Variants in FRMPD2 observed in about 807,000 individuals in gnomAD.
FRMPD2 encodes the protein FERM and PDZ domain containing 2.
Under a neutral mutation model 140.1 loss-of-function variants are expected in FRMPD2, and 96 were observed. That is an observed-to-expected ratio of 0.69 (90% CI 0.58 to 0.81). The LOEUF (loss-of-function observed/expected upper bound fraction) is 0.81. Among genes scored for constraint, FRMPD2 ranks in the 40% least tolerant of loss-of-function variants. The probability of loss-of-function intolerance (pLI) is 0.00; values close to 1 mark genes in which losing one functional copy is unlikely to be tolerated. For synonymous variants in FRMPD2, 449 were observed against 547.6 expected (o/e 0.82, Z 2.52); for missense variants, 1,240 against 1,447.4 (o/e 0.86, Z 2.32).
chr10:48,185,557 AC>A lies in FRMPD2; in HGVS notation c.2354del (p.Gly785ValfsTer43). The A allele has an allele frequency of 6.2e-7, 1 of 1,613,552 alleles. No individual in the cohort carries two copies. The highest frequency in any genetic ancestry group is 8.5e-7 in the Non-Finnish European group (1 of 1,179,596). On this transcript the variant is annotated frameshift_variant, in exon 18 of 29. Transcript: ENST00000374201. LOFTEE classifies it high-confidence loss of function. ...RVTLKRDPHR[G>X]FGFVINEGEY... ...ACCTACAGGGAGCCCTCTTACCAAA[AC>A]CACGATGTGGGTCACGTTTCAGTGT...
At chr10:48,191,187 C>T (rs1184418535) in intron 16 of FRMPD2, among the ~76,000 whole-genome samples, 1 of 152,068 alleles carries the variant, frequency 6.6e-6, no homozygotes, top group Non-Finnish European at 1.5e-5. Context: ...TGCTGGAGAC[C>T]CCACATGAAG....
At chr10:48,238,208 T>C (rs1039657618) in intron 7 of FRMPD2, 85 bp from the exon 8 acceptor site, 2 of 1,422,896 alleles carry the variant, frequency 1.4e-6, no homozygotes, top group African/African-American at 2.9e-5. Flanking sequence ...AGGGGCTCAG[T>C]TGGGCAGGGT....
Position 48,184,781 on chromosome 10 carries a change from G to C in FRMPD2, c.2460C>G (p.Ile820Met). 6.2e-7 allele frequency: 1 copy of C among 1,612,078 alleles called. No homozygotes were observed. Among genetic ancestry groups the C allele is most frequent in the South Asian group, 1.1e-5 (1 of 90,666 alleles). The stretch of plus-strand genomic sequence containing the variant: ...TAATTTAAAAAGATGTACCTGGTTT[G>C]ATCGTTTTTGCTTTTTCTGCTGGTC... The part of the protein sequence containing the change: ...PGGPAEKAKT[I>M]KPGGQILALN... Residue 820 changes from isoleucine to methionine, a missense_variant, in exon 19 of 29, where the codon ATC becomes ATG. By Grantham distance (10) the Ile-to-Met change is conservative (BLOSUM62 1). Around this residue, in one of 6 missense-constraint regions of FRMPD2, gnomAD observed 1,161 missense variants for 1,055.9 expected, o/e 1.10. Coordinates refer to ENST00000374201, the MANE Select transcript of FRMPD2 (RefSeq NM_001018071.4).
chr10:48,214,949 T>G (rs1052411763), intron 12 of FRMPD2, among the ~76,000 whole-genome samples: 1 of 152,186 alleles, frequency 6.6e-6, no homozygotes, highest in Admixed American at 6.5e-5. Flanking sequence ...TGTGGTGAAG[T>G]TCACAACTGT....
intron 1 of FRMPD2, among the ~76,000 whole-genome samples, chr10:48,257,693 C>T (rs1840514849): frequency 6.6e-6 from 1 of 152,142 alleles, no homozygotes; most frequent in African/African-American, 2.4e-5. Flanking sequence ...AGGTTGAATT[C>T]TTAGCTCCTT....
intron 14 of FRMPD2, among the ~76,000 whole-genome samples, chr10:48,204,404 C>T (rs1479997273): frequency 6.6e-6 from 1 of 152,160 alleles, no homozygotes; most frequent in East Asian, 1.9e-4. Context: ...CTGTGCAAAG[C>T]TGCGTGTTTC....
chr10:48,187,170 C>G, intron 17 of FRMPD2, 22 bp downstream of exon 17: 2 of 1,583,526 alleles, frequency 1.3e-6, no homozygotes, highest in Non-Finnish European at 1.7e-6. Context: ...CACCCAAGAC[C>G]TGGTCGTGGC....
intron 27 of FRMPD2, among the ~76,000 whole-genome samples, chr10:48,167,880 C>G (rs1313473680): frequency 2.7e-5 from 4 of 149,278 alleles, no homozygotes; most frequent in Non-Finnish European, 5.9e-5. Context: ...GAAAGACTGA[C>G]CTCTCTGAGG....
chr10:48,214,616 CT>C (rs1378124864), intron 12 of FRMPD2, among the ~76,000 whole-genome samples: 1 of 152,094 alleles, frequency 6.6e-6, no homozygotes, highest in African/African-American at 2.4e-5. Flanking sequence ...TCTATTAAAA[CT>C]TTTTTTAAGT....
intron 3 of FRMPD2, 131 bp from the exon 4 acceptor site, chr10:48,244,980 C>T: frequency 1.5e-6 from 1 of 683,512 alleles, no homozygotes; most frequent in South Asian, 1.8e-5. Flanking sequence ...ATCTGCAACT[C>T]CCTTAACCCT....
chr10:48,180,526 AT>A (rs1838519398), intron 21 of FRMPD2, among the ~76,000 whole-genome samples: 1 of 151,806 alleles, frequency 6.6e-6, no homozygotes, highest in Non-Finnish European at 1.5e-5. Context: ...AACAATTATA[AT>A]TAGTGACTAA....
At chr10:48,193,397 T>C (rs917670272) in intron 15 of FRMPD2, among the ~76,000 whole-genome samples, 12 of 152,248 alleles carry the variant, frequency 7.9e-5, no homozygotes, top group African/African-American at 1.7e-4. Context: ...TCATATTTAA[T>C]ACAAGGTCCT....
intron 16 of FRMPD2, among the ~76,000 whole-genome samples, chr10:48,192,444 G>A (rs1374983734): frequency 6.6e-6 from 1 of 152,002 alleles, no homozygotes; most frequent in African/African-American, 2.4e-5. Flanking sequence ...AAAATTAGCA[G>A]GGTGTGGCAG....
Position 48,210,174 on chromosome 10 carries a change from A to G in FRMPD2, c.1611+1780T>C, listed in dbSNP as rs17010990. ...ACCCTCATCCTAATGAGAGGCTCCCAATGTGCTCTGGGGATGATGACAAAG... is the reference window on the plus strand; with the variant it reads ...ACCCTCATCCTAATGAGAGGCTCCCGATGTGCTCTGGGGATGATGACAAAG... On this transcript the variant is annotated intron_variant, in intron 13 of 28. Coordinates refer to ENST00000374201, the MANE Select transcript of FRMPD2 (RefSeq NM_001018071.4). Among the ~76,000 whole-genome samples, 863 of 152,240 alleles carry G rather than the reference A, an allele frequency of 5.7e-3. 8 individuals carry two copies. Among genetic ancestry groups the G allele is most frequent in the African/African-American group, 0.02 (817 of 41,540 alleles).
intron 1 of FRMPD2, among the ~76,000 whole-genome samples, chr10:48,272,016 C>T (rs1354259235): frequency 6.6e-6 from 1 of 152,206 alleles, no homozygotes; most frequent in African/African-American, 2.4e-5. Flanking sequence ...ACTGGGGTTT[C>T]AGACCAGAAA....
intron 15 of FRMPD2, among the ~76,000 whole-genome samples, chr10:48,193,440 T>C (rs1838884939): frequency 6.6e-6 from 1 of 152,206 alleles, no homozygotes; most frequent in Admixed American, 6.5e-5. Flanking sequence ...ATGTGTTGGG[T>C]TCCCCCCAGC....
chr10:48,207,400 A>T (rs1477191221), intron 13 of FRMPD2, among the ~76,000 whole-genome samples: 2 of 152,182 alleles, frequency 1.3e-5, no homozygotes, highest in East Asian at 3.9e-4. Context: ...GTGACCTTCC[A>T]GATCACCAAT....
intron 15 of FRMPD2, among the ~76,000 whole-genome samples, chr10:48,197,338 C>T (rs1179887754): frequency 6.6e-6 from 1 of 152,100 alleles, no homozygotes; most frequent in African/African-American, 2.4e-5. Flanking sequence ...AAATGTTACA[C>T]GCACACACCT....
At chr10:48,210,966 G>A (rs944140988) in intron 13 of FRMPD2, among the ~76,000 whole-genome samples, 2 of 152,368 alleles carry the variant, frequency 1.3e-5, no homozygotes, top group South Asian at 2.1e-4. Flanking sequence ...GGGAAGCTGC[G>A]AGTGTCCTCG....
Sources: gnomAD v4.1 joint callset for allele counts (sites outside exome capture counted in the v4.1 genomes callset) on GRCh38, gnomAD v4.1.1 for gene constraint, gnomAD v4.1.1 regional missense constraint, MANE v1.5 for transcripts, NCBI Gene and HGNC (gene_info 2026-07-23, HGNC 2026-07-21) for gene names.